Variants in PTGS1 observed in about 807,000 individuals in gnomAD.
The protein encoded by PTGS1 is prostaglandin G/H synthase 1.
PTGS1 carries 40 observed loss-of-function variants against 63.0 expected under a neutral mutation model. That is an observed-to-expected ratio of 0.63 (90% CI 0.49 to 0.83). The LOEUF (loss-of-function observed/expected upper bound fraction) is 0.83. Among genes scored for constraint, PTGS1 ranks in the 40% least tolerant of loss-of-function variants. PTGS1 has a pLI of 0.00. For synonymous variants in PTGS1, 298 were observed against 301.9 expected, an observed-to-expected ratio of 0.99 and a Z score of 0.13; for missense variants, 709 against 786.5, an observed-to-expected ratio of 0.90 and a Z score of 1.18.
Position 122,383,715 on chromosome 9 carries a change from C to T in PTGS1, c.969C>T (p.Gly323=), listed in dbSNP as rs4836884. The change falls in exon 8 of 11, where the codon GGC becomes GGT. Residue 323 remains glycine (G), a synonymous_variant. Transcript: ENST00000362012. ...DLLKAEHPTW[G]DEQLFQTTRL... ...TGAAGGCTGAGCACCCCACCTGGGG[C>T]GATGAGCAGCTTTTCCAGACGACCC... The T allele has an allele frequency of 6.9e-4, 1,120 of 1,613,528 alleles. 10 individuals are homozygous for T. The Admixed American group carries it at 0.016, about 23-fold the overall frequency.
intron 3 of PTGS1, 106 bp downstream of exon 3, chr9:122,378,121 T>C (rs1837285503): frequency 7.1e-6 from 8 of 1,132,644 alleles, no homozygotes; most frequent in Non-Finnish European, 1.0e-5. Flanking sequence ...ACCATGGCCC[T>C]GTTCTCCTTC....
rs1461904655 is a variant in PTGS1 at position 122,381,653 on chromosome 9, T to C, written c.679-11T>C. The C allele has an allele frequency of 1.2e-6, 2 of 1,613,866 alleles. No homozygotes were observed. The highest frequency in any genetic ancestry group is 1.7e-6 in the Non-Finnish European group (2 of 1,179,854). On this transcript the variant is annotated splice_polypyrimidine_tract_variant and intron_variant, in intron 6 of 10. Coordinates refer to ENST00000362012, the MANE Select transcript of PTGS1 (RefSeq NM_000962.4). The stretch of plus-strand genomic sequence containing the variant: ...CCCTGGTGACCTGAGGGAACCCCTC[T>C]CTGTCCACAGGTAGACCTCGGCCAC...
At position 122,378,034 on chromosome 9, in the gene PTGS1, C is replaced by T. The variant is rs775174144; in HGVS notation, c.211+19C>T. On this transcript the variant is annotated intron_variant, in intron 3 of 10. Transcript: ENST00000362012. ...ACCATCCGTGAGCTGGGCCTTCAGC[C>T]CTCACTCCTTCCGTCTTGAGCCCTT... 5.9e-5 allele frequency: 94 copies of T among 1,599,498 alleles called. No homozygotes were observed. The highest frequency in any genetic ancestry group is 7.7e-5 in the Non-Finnish European group (90 of 1,170,070).
chr9:122,387,024 C>T (rs1837914398), intron 9 of PTGS1, among the ~76,000 whole-genome samples: 1 of 151,860 alleles, frequency 6.6e-6, no homozygotes, highest in African/African-American at 2.4e-5. Flanking sequence ...GCATTAGGGC[C>T]CTTACTGCGT....
chr9:122,388,325 C>T (rs547108040), intron 9 of PTGS1, among the ~76,000 whole-genome samples: 46 of 152,174 alleles, frequency 3.0e-4, no homozygotes, highest in African/African-American at 1.1e-3. Flanking sequence ...GGATTATAGG[C>T]GACTCTCAGG....
chr9:122,386,716 G>T lies in PTGS1; in HGVS notation c.1280G>T (p.Arg427Leu), dbSNP rs144142084. ...GVEALVDAFS[R>L]QIAGRIGGGR... Reference sequence around the variant, plus strand: ...GAGGCCCTGGTGGATGCCTTCTCTCGCCAGATTGCTGGCCGGGTAAGCCCC... The same window carrying T: ...GAGGCCCTGGTGGATGCCTTCTCTCTCCAGATTGCTGGCCGGGTAAGCCCC... The change falls in exon 9 of 11, where the codon CGC becomes CTC. Residue 427 changes from arginine (R) to leucine (L), a missense_variant. Physicochemically the swap from Arg to Leu is moderately radical, Grantham distance 102. Transcript: ENST00000362012. The T allele has an allele frequency of 2.5e-6, 4 of 1,614,068 alleles. No homozygotes were observed. The highest frequency in any genetic ancestry group is 3.4e-6 in the Non-Finnish European group (4 of 1,179,978).
At position 122,383,571 on chromosome 9, in the gene PTGS1, C is replaced by G. The variant is rs1198350921; in HGVS notation, c.825C>G (p.Pro275=). ...VEEAPVLMHY[P]RGIPPQSQMA... is the part of the protein sequence containing the mutation. ...AGGCGCCTGTGTTGATGCACTACCC[C>G]CGAGGCATCCCGCCCCAGAGCCAGA... The change falls in exon 8 of 11, where the codon CCC becomes CCG. Residue 275 remains proline (P), a synonymous_variant. Coordinates refer to ENST00000362012, the MANE Select transcript of PTGS1 (RefSeq NM_000962.4). 6.2e-7 allele frequency: 1 copy of G among 1,614,140 alleles called. No individual in the cohort carries two copies. Among genetic ancestry groups the G allele is most frequent in the East Asian group, 2.2e-5 (1 of 44,866 alleles).
rs148670331 is a variant in PTGS1, at chr9:122,393,299, G to A, written c.*755G>A. On this transcript the variant is annotated 3_prime_UTR_variant, in exon 11 of 11. Coordinates refer to ENST00000362012, the MANE Select transcript of PTGS1 (RefSeq NM_000962.4). ...AAGCTAATAAAATTCGCTTTCTAAAGTTACCTGTTATATATCTCTTTTGGT... is the reference window on the plus strand; with the variant it reads ...AAGCTAATAAAATTCGCTTTCTAAAATTACCTGTTATATATCTCTTTTGGT... 7 of 152,360 alleles carry A rather than the reference G, an allele frequency of 4.6e-5. No homozygotes were observed. The highest frequency in any genetic ancestry group is 1.7e-4 in the African/African-American group (7 of 41,578). 9.4% of individuals were successfully genotyped at this position (152,360 alleles called of 1,614,324 possible). A position where few individuals can be genotyped will look rare whatever the true frequency, so the allele number is the denominator to read the frequency against.
intron 10 of PTGS1, 52 bp from the exon 11 acceptor site, chr9:122,392,137 C>T (rs933122471): frequency 1.5e-5 from 23 of 1,500,002 alleles, no homozygotes; most frequent in Admixed American, 6.2e-5. Flanking sequence ...CCCAGGTTGA[C>T]CTTAATGGCA....
chr9:122,390,184 T>G lies in PTGS1; in HGVS notation c.1297-14T>G. ...CCTGGCTCCCAGACCACTGCTGTGCTTCTCTCTCGGCAGATCGGTGGGGGC... is the reference window on the plus strand; with the variant it reads ...CCTGGCTCCCAGACCACTGCTGTGCGTCTCTCTCGGCAGATCGGTGGGGGC... On this transcript the variant is annotated splice_polypyrimidine_tract_variant and intron_variant, in intron 9 of 10. Transcript: ENST00000362012. 6.2e-7 allele frequency: 1 copy of G among 1,612,478 alleles called. No homozygotes were observed. Among genetic ancestry groups the G allele is most frequent in the Non-Finnish European group, 8.5e-7 (1 of 1,179,080 alleles).
intron 5 of PTGS1, among the ~76,000 whole-genome samples, chr9:122,380,466 A>AAATAAAT (rs1336777514): frequency 2.7e-5 from 4 of 145,788 alleles, no homozygotes; most frequent in African/African-American, 1.0e-4. Context: ...CCCTGTCTCA[A>AAATAAAT]AAATAAATAA....
At chr9:122,392,108 G>T (rs1838319528) in intron 10 of PTGS1, 81 bp from the exon 11 acceptor site, 2 of 1,216,726 alleles carry the variant, frequency 1.6e-6, no homozygotes, top group African/African-American at 3.1e-5. Context: ...AGAAAAAGGT[G>T]GACCTGGAAG....
intron 9 of PTGS1, among the ~76,000 whole-genome samples, chr9:122,388,998 A>T (rs543135362): frequency 6.6e-6 from 1 of 152,212 alleles, no homozygotes; most frequent in Admixed American, 6.5e-5. Flanking sequence ...TAAAGCTGTA[A>T]TTGGCACCAT....
In PTGS1 at chr9:122,381,396, GCTCCTGGCC is replaced by G; in HGVS notation, c.524_532del (p.Leu175_Ala177del). On this transcript the variant is annotated inframe_deletion, in exon 6 of 11. Coordinates refer to ENST00000362012, the MANE Select transcript of PTGS1 (RefSeq NM_000962.4). ...GGAAGAAGCAGTTGCCAGATGCCCA[GCTCCTGGCC>G]CGCCGCTTCCTGCTCAGGAGGAAGT... The G allele has an allele frequency of 6.2e-7, 1 of 1,614,088 alleles. No individual in the cohort carries two copies. The highest frequency in any genetic ancestry group is 8.5e-7 in the Non-Finnish European group (1 of 1,180,008).
At chr9:122,370,917 C>G, upstream of PTGS1, 1 of 1,118,584 alleles carries the variant, frequency 8.9e-7, no homozygotes. Context: ...ATGCCTTGGC[C>G]GGGGCTGGGC....
intron 9 of PTGS1, among the ~76,000 whole-genome samples, chr9:122,388,191 C>G (rs1223583285): frequency 2.0e-5 from 3 of 152,194 alleles, no homozygotes; most frequent in Admixed American, 2.0e-4. Flanking sequence ...GATGTATGGA[C>G]TGTCAAGATT....
chr9:122,376,090 C>T (rs555425526), intron 2 of PTGS1, among the ~76,000 whole-genome samples: 1 of 152,114 alleles, frequency 6.6e-6, no homozygotes, highest in South Asian at 2.1e-4. Flanking sequence ...ACCTCTGAGC[C>T]AGCACGGGGG....
intron 7 of PTGS1, 73 bp downstream of exon 7, chr9:122,381,820 C>A: frequency 1.4e-6 from 2 of 1,474,294 alleles, no homozygotes; most frequent in Non-Finnish European, 1.9e-6. Flanking sequence ...CTGCTTGGGG[C>A]GGGGGTCTGG....
chr9:122,379,340 T>G (rs1295585491), intron 5 of PTGS1, among the ~76,000 whole-genome samples: 1 of 152,196 alleles, frequency 6.6e-6, no homozygotes, highest in East Asian at 1.9e-4. Flanking sequence ...CTTTCGTTAC[T>G]CAAGACTTCA....
Sources: allele counts gnomAD v4.1 joint callset (sites outside exome capture counted in the v4.1 genomes callset), GRCh38; gene constraint gnomAD v4.1.1; transcripts MANE v1.5; gene names NCBI Gene and HGNC (gene_info 2026-07-23, HGNC 2026-07-21).